HIVEP2: variants seen among roughly 807,000 people sequenced by gnomAD.
HIVEP2 encodes HIVEP zinc finger 2, also known as transcription factor HIVEP2.
HIVEP2 carries 14 observed loss-of-function variants against 180.7 expected under a neutral mutation model. The observed-to-expected ratio is 0.08, with a 90% confidence interval of 0.05 to 0.12. The LOEUF (loss-of-function observed/expected upper bound fraction) is 0.12. Ranked by LOEUF, HIVEP2 falls within the 10% of genes least tolerant of loss-of-function variation. HIVEP2 has a pLI of 1.00. For synonymous variants in HIVEP2, 1,184 were observed against 1,136.4 expected (o/e 1.04, Z -0.84); for missense variants, 2,579 against 3,008.5 (o/e 0.86, Z 3.34).
intron 1 of HIVEP2, among the ~76,000 whole-genome samples, chr6:142,845,882 C>T (rs1458013716): frequency 1.3e-5 from 2 of 152,220 alleles, no homozygotes; most frequent in African/African-American, 2.4e-5. Flanking sequence ...TCCGCAGACA[C>T]CAAAAGAGAG....
At chr6:142,936,931 A>T (rs1307427531) in intron 1 of HIVEP2, among the ~76,000 whole-genome samples, 3 of 151,890 alleles carry the variant, frequency 2.0e-5, no homozygotes, top group Admixed American at 6.6e-5. Context: ...GAATTAATAA[A>T]TTTTTTTAGA....
At chr6:142,889,527 G>A (rs758137741) in intron 1 of HIVEP2, among the ~76,000 whole-genome samples, 2 of 152,086 alleles carry the variant, frequency 1.3e-5, no homozygotes, top group African/African-American at 2.4e-5. Context: ...ATAAAAAGAA[G>A]GTATGGCAGA....
chr6:142,852,493 T>G (rs1283408105), intron 1 of HIVEP2, among the ~76,000 whole-genome samples: 2 of 152,182 alleles, frequency 1.3e-5, no homozygotes, highest in Non-Finnish European at 2.9e-5. Flanking sequence ...GAATAATCAA[T>G]TACATAACAA....
intron 1 of HIVEP2, among the ~76,000 whole-genome samples, chr6:142,917,813 T>C (rs941695099): frequency 6.6e-6 from 1 of 152,174 alleles, no homozygotes. Flanking sequence ...TCTTGCTCTG[T>C]TGCCCAGGCT....
intron 1 of HIVEP2, among the ~76,000 whole-genome samples, chr6:142,853,405 C>T (rs555093686): frequency 6.6e-6 from 1 of 152,280 alleles, no homozygotes; most frequent in African/African-American, 2.4e-5. Flanking sequence ...AGAATAGTTC[C>T]TACTTAAAAT....
chr6:142,941,743 A>G (rs989967556), intron 1 of HIVEP2, among the ~76,000 whole-genome samples: 2 of 152,234 alleles, frequency 1.3e-5, no homozygotes, highest in African/African-American at 4.8e-5. Flanking sequence ...TATCACTTTA[A>G]AAGTTGTAAC....
intron 6 of HIVEP2, 43 bp from the exon 7 acceptor site, chr6:142,765,017 T>A: frequency 6.4e-7 from 1 of 1,551,424 alleles, no homozygotes; most frequent in Non-Finnish European, 8.8e-7. Flanking sequence ...CAAATATTCT[T>A]AGCATGCTAT....
At chr6:142,914,479 T>C (rs1777500254) in intron 1 of HIVEP2, among the ~76,000 whole-genome samples, 1 of 152,210 alleles carries the variant, frequency 6.6e-6, no homozygotes, top group Non-Finnish European at 1.5e-5. Flanking sequence ...TCAGTAATTA[T>C]TAGTCACTAT....
chr6:142,848,301 C>T (rs986358093), intron 1 of HIVEP2, among the ~76,000 whole-genome samples: 5 of 152,184 alleles, frequency 3.3e-5, no homozygotes, highest in Admixed American at 3.3e-4. Flanking sequence ...GTAAATGAAA[C>T]CATTATTTTT....
Position 142,785,982 on chromosome 6 carries a change from C to A in HIVEP2, c.-527-2367G>T, listed in dbSNP as rs574424392. Reference sequence around the variant, plus strand: ...TATGATATCAATTGCAGCGTTTTTGCACAAATCATTTTGTTATAAATTGAA... The same window carrying A: ...TATGATATCAATTGCAGCGTTTTTGAACAAATCATTTTGTTATAAATTGAA... On this transcript the variant is annotated intron_variant, in intron 2 of 9. Coordinates refer to ENST00000367603, the MANE Select transcript of HIVEP2 (RefSeq NM_006734.4). 2.0e-5 allele frequency among the ~76,000 whole-genome samples: 3 copies of A among 152,274 alleles called. No individual in the cohort carries two copies. In the South Asian group the frequency reaches 6.2e-4, roughly 32 times the overall value.
Position 142,759,797 on chromosome 6 carries a change from G to C in HIVEP2, c.6491C>G (p.Ala2164Gly). 1 of 1,606,064 alleles carries C rather than the reference G, an allele frequency of 6.2e-7. No individual in the cohort carries two copies. The highest frequency in any genetic ancestry group is 8.5e-7 in the Non-Finnish European group (1 of 1,177,446). The change falls in exon 9 of 10, where the codon GCA becomes GGA. Residue 2164 changes from alanine to glycine, a missense_variant. Physicochemically the swap from Ala to Gly is moderately conservative, Grantham distance 60 (BLOSUM62 0). Around this residue, in one of 11 missense-constraint regions of HIVEP2, gnomAD observed 660 missense variants for 731.7 expected, o/e 0.90. Coordinates refer to ENST00000367603, the MANE Select transcript of HIVEP2 (RefSeq NM_006734.4). ...PPLSMGQYLQ[A>G]EPIVLGPPNL... ...AGGAGGCCCCAATACAATTGGCTCTGCTTGCAAATACTGTCCCATGGACAA... is the reference window on the plus strand; with the variant it reads ...AGGAGGCCCCAATACAATTGGCTCTCCTTGCAAATACTGTCCCATGGACAA...
chr6:142,927,185 A>G (rs965822399), intron 1 of HIVEP2, among the ~76,000 whole-genome samples: 1 of 152,112 alleles, frequency 6.6e-6, no homozygotes, highest in African/African-American at 2.4e-5. Context: ...CCAGCCGCAG[A>G]CTGCAGGCTG....
intron 1 of HIVEP2, among the ~76,000 whole-genome samples, chr6:142,909,450 T>C (rs1297974144): frequency 6.6e-6 from 1 of 152,140 alleles, no homozygotes; most frequent in South Asian, 2.1e-4. Context: ...TTTAAGACAA[T>C]TTAAATATAA....
At chr6:142,807,191 G>T (rs767278187) in intron 2 of HIVEP2, among the ~76,000 whole-genome samples, 16 of 152,210 alleles carry the variant, frequency 1.1e-4, no homozygotes, top group Non-Finnish European at 1.9e-4. Context: ...AGTCAACTTG[G>T]CCAGTACTTC....
intron 1 of HIVEP2, among the ~76,000 whole-genome samples, chr6:142,854,355 C>G (rs563050792): frequency 2.6e-5 from 4 of 152,324 alleles, no homozygotes; most frequent in African/African-American, 9.6e-5. Flanking sequence ...AATGCCTAAC[C>G]ATGCTGGAGC....
intron 1 of HIVEP2, among the ~76,000 whole-genome samples, chr6:142,842,055 C>T (rs942646383): frequency 6.6e-6 from 1 of 152,148 alleles, no homozygotes; most frequent in Admixed American, 6.6e-5. Context: ...ATCACCACCA[C>T]AAAATAATAT....
At chr6:142,877,299 T>G (rs1311201510) in intron 1 of HIVEP2, among the ~76,000 whole-genome samples, 1 of 152,182 alleles carries the variant, frequency 6.6e-6, no homozygotes, top group Non-Finnish European at 1.5e-5. Context: ...TCTTTAATTA[T>G]TCAAGTTTTA....
intron 1 of HIVEP2, among the ~76,000 whole-genome samples, chr6:142,913,031 A>G (rs1193735623): frequency 6.6e-6 from 1 of 152,218 alleles, no homozygotes; most frequent in Non-Finnish European, 1.5e-5. Flanking sequence ...AGGTATTGTT[A>G]TCCCCAATTT....
chr6:142,899,046 C>T (rs1489007560), intron 1 of HIVEP2, among the ~76,000 whole-genome samples: 1 of 152,162 alleles, frequency 6.6e-6, no homozygotes, highest in East Asian at 1.9e-4. Context: ...TGTCCCCTGT[C>T]TTGCCTGCAG....
Sources: allele counts gnomAD v4.1 joint callset (sites outside exome capture counted in the v4.1 genomes callset), GRCh38; gene constraint gnomAD v4.1.1; regional missense constraint gnomAD v4.1.1; transcripts MANE v1.5; gene names NCBI Gene and HGNC (gene_info 2026-07-23, HGNC 2026-07-21).